EPB41L2: variants seen among roughly 807,000 people sequenced by gnomAD.
EPB41L2 encodes erythrocyte membrane protein band 4.1 like 2.
EPB41L2 carries 43 observed loss-of-function variants against 113.0 expected under a neutral mutation model. The ratio of observed to expected loss-of-function variants is 0.38; its 90% CI spans 0.30 to 0.49. The LOEUF (loss-of-function observed/expected upper bound fraction) is 0.49. Ranked by LOEUF, EPB41L2 falls within the 20% of genes least tolerant of loss-of-function variation. The probability of loss-of-function intolerance (pLI) is 0.95; values close to 1 mark genes in which losing one functional copy is unlikely to be tolerated. For synonymous variants in EPB41L2, 442 were observed against 436.7 expected, an observed-to-expected ratio of 1.01 and a Z score of -0.15; for missense variants, 1,147 against 1,223.4, an observed-to-expected ratio of 0.94 and a Z score of 0.93.
intron 4 of EPB41L2, among the ~76,000 whole-genome samples, chr6:130,917,187 G>A (rs923645260): frequency 1.3e-5 from 2 of 152,194 alleles, no homozygotes; most frequent in Non-Finnish European, 2.9e-5. Context: ...GTCCACAGCA[G>A]GGTCCTAACC....
At chr6:130,960,522 T>C (rs894564646) in intron 1 of EPB41L2, among the ~76,000 whole-genome samples, 3 of 152,114 alleles carry the variant, frequency 2.0e-5, no homozygotes, top group African/African-American at 7.2e-5. Context: ...CACCACTGTA[T>C]TCACAACACC....
intron 1 of EPB41L2, among the ~76,000 whole-genome samples, chr6:131,061,581 G>A (rs907000361): frequency 6.6e-6 from 1 of 152,102 alleles, no homozygotes; most frequent in African/African-American, 2.4e-5. Context: ...ATTTCTCACA[G>A]CAATGAGCCT....
At chr6:130,906,235 T>C (rs1470775338) in intron 5 of EPB41L2, among the ~76,000 whole-genome samples, 1 of 152,200 alleles carries the variant, frequency 6.6e-6, no homozygotes, top group African/African-American at 2.4e-5. Flanking sequence ...TGGACAGGAC[T>C]CGGAGACATT....
intron 1 of EPB41L2, among the ~76,000 whole-genome samples, chr6:130,979,976 A>G (rs933283043): frequency 4.6e-5 from 7 of 152,206 alleles, no homozygotes; most frequent in African/African-American, 1.7e-4. Flanking sequence ...AGAGAGACCA[A>G]AGAACCTATC....
intron 3 of EPB41L2, among the ~76,000 whole-genome samples, chr6:130,950,988 T>A (rs1232314311): frequency 6.6e-6 from 1 of 152,122 alleles, no homozygotes; most frequent in Admixed American, 6.5e-5. Flanking sequence ...GAAATAATAT[T>A]TATTTTTAAA....
chr6:131,011,584 T>C (rs546890741), intron 1 of EPB41L2, among the ~76,000 whole-genome samples: 284 of 152,358 alleles, frequency 1.9e-3, no homozygotes, highest in Admixed American at 4.4e-3. Context: ...AACTGCATTC[T>C]CTGGTACTCA....
At chr6:131,037,856 T>C (rs1793672973) in intron 1 of EPB41L2, among the ~76,000 whole-genome samples, 3 of 152,266 alleles carry the variant, frequency 2.0e-5, no homozygotes, top group South Asian at 2.1e-4. Context: ...CCAAAACTGC[T>C]AGGATTACAG....
intron 6 of EPB41L2, 140 bp downstream of exon 6, chr6:130,904,325 A>G (rs1427792899): frequency 4.2e-6 from 2 of 475,724 alleles, no homozygotes; most frequent in Admixed American, 7.7e-5. Flanking sequence ...ATTTGGATGT[A>G]CCCATTTTCA....
rs541004114 is a variant in EPB41L2 at position 130,907,138 on chromosome 6, C to A, written c.853+1683G>T. On this transcript the variant is annotated intron_variant, in intron 5 of 19. Coordinates refer to ENST00000337057, the MANE Select transcript of EPB41L2 (RefSeq NM_001431.4). ...CCAAACAAAACCATAGGAAACAACTCAATGGAACATCAATCATGTTTCAGA... is the reference window on the plus strand; with the variant it reads ...CCAAACAAAACCATAGGAAACAACTAAATGGAACATCAATCATGTTTCAGA... Among the ~76,000 whole-genome samples the A allele has an allele frequency of 2.6e-5, 4 of 152,152 alleles. No individual in the cohort carries two copies. In the South Asian group the frequency reaches 8.3e-4, roughly 32 times the overall value.
intron 1 of EPB41L2, among the ~76,000 whole-genome samples, chr6:131,027,482 A>G (rs1376330440): frequency 1.3e-5 from 2 of 152,222 alleles, no homozygotes; most frequent in South Asian, 2.1e-4. Flanking sequence ...ATTGGGTCTC[A>G]GCGGGCTGTT....
At chr6:130,951,223 C>G (rs1814821682) in intron 3 of EPB41L2, among the ~76,000 whole-genome samples, 1 of 126,610 alleles carries the variant, frequency 7.9e-6, no homozygotes. Flanking sequence ...TGCCACTGCA[C>G]TCCAGCTTGG....
At position 131,034,978 on chromosome 6, in the gene EPB41L2, G is replaced by A. The variant is rs938271300; in HGVS notation, c.-15+28177C>T. Among the ~76,000 whole-genome samples the A allele has an allele frequency of 5.9e-5, 9 of 152,234 alleles. No individual in the cohort carries two copies. The East Asian group carries it at 1.5e-3, about 26-fold the overall frequency. On this transcript the variant is annotated intron_variant, in intron 1 of 19. Coordinates refer to ENST00000337057, the MANE Select transcript of EPB41L2 (RefSeq NM_001431.4). ...GAGAAAAGATTCTTCACACCTAACT[G>A]CCTGACTACAAAAGGACAATCATTC...
At chr6:130,886,054 C>G (rs1329843953) in intron 11 of EPB41L2, among the ~76,000 whole-genome samples, 1 of 152,186 alleles carries the variant, frequency 6.6e-6, no homozygotes, top group African/African-American at 2.4e-5. Flanking sequence ...GACCTCTGTC[C>G]ATCTGTAGCT....
At position 130,901,505 on chromosome 6, in the gene EPB41L2, G is replaced by A. The variant is rs183903790; in HGVS notation, c.930-325C>T. 3.0e-4 allele frequency among the ~76,000 whole-genome samples: 45 copies of A among 151,238 alleles called. No homozygotes were observed. In the East Asian group the frequency reaches 8.1e-3, roughly 27 times the overall value. On this transcript the variant is annotated intron_variant, in intron 6 of 19. Transcript: ENST00000337057. Reference sequence around the variant, plus strand: ...TTCAAACTGTAATAAAAATTAGCACGCCCCTCAAAAGATGTAAGGATTAAT... The same window carrying A: ...TTCAAACTGTAATAAAAATTAGCACACCCCTCAAAAGATGTAAGGATTAAT...
chr6:130,888,994 G>C (rs1413958418), intron 11 of EPB41L2, among the ~76,000 whole-genome samples: 1 of 152,026 alleles, frequency 6.6e-6, no homozygotes. Context: ...CAATCCATAT[G>C]AATCCTTCAC....
chr6:131,021,954 G>A (rs560514456), intron 1 of EPB41L2, among the ~76,000 whole-genome samples: 13 of 152,242 alleles, frequency 8.5e-5, no homozygotes, highest in African/African-American at 3.1e-4. Flanking sequence ...AGGGCCGGGG[G>A]ATGGTTTTGG....
At chr6:131,057,658 T>C (rs748167648) in intron 1 of EPB41L2, among the ~76,000 whole-genome samples, 1 of 152,182 alleles carries the variant, frequency 6.6e-6, no homozygotes, top group Non-Finnish European at 1.5e-5. Flanking sequence ...ATCAGAACTA[T>C]ATGACAAGCT....
intron 12 of EPB41L2, among the ~76,000 whole-genome samples, chr6:130,884,677 G>C (rs947626455): frequency 2.0e-5 from 3 of 152,162 alleles, no homozygotes; most frequent in African/African-American, 7.2e-5. Flanking sequence ...ATTAATTATA[G>C]ATCATTAATG....
At chr6:130,842,281 G>A (rs1004158428) in intron 19 of EPB41L2, among the ~76,000 whole-genome samples, 1 of 118,384 alleles carries the variant, frequency 8.4e-6, no homozygotes, top group Admixed American at 8.8e-5. Context: ...ACTTCTGTTT[G>A]ATTCTAGGCT....
Sources: gnomAD v4.1 joint callset for allele counts (sites outside exome capture counted in the v4.1 genomes callset) on GRCh38, gnomAD v4.1.1 for gene constraint, MANE v1.5 for transcripts, NCBI Gene and HGNC (gene_info 2026-07-23, HGNC 2026-07-21) for gene names.